Variants in SPTBN4 observed in about 807,000 individuals in gnomAD.
SPTBN4 encodes the protein spectrin beta chain, non-erythrocytic 4.
Under a neutral mutation model 277.8 loss-of-function variants are expected in SPTBN4, and 96 were observed. That is an observed-to-expected ratio of 0.35 (90% CI 0.29 to 0.41). The LOEUF (loss-of-function observed/expected upper bound fraction) is 0.41, where lower values mean the gene tolerates loss of function less well. SPTBN4 is among the 10% of genes least tolerant of loss of function. The probability of loss-of-function intolerance (pLI) is 1.00; values close to 1 mark genes in which losing one functional copy is unlikely to be tolerated. For missense variants in SPTBN4, 3,006 were observed against 3,595.7 expected, an observed-to-expected ratio of 0.84 and a Z score of 4.19; for synonymous variants, 1,481 against 1,580.3, an observed-to-expected ratio of 0.94 and a Z score of 1.49.
At chr19:40,467,491 T>C (rs888482576) in intron 1 of SPTBN4, among the ~76,000 whole-genome samples, 186 bp downstream of exon 1, 2 of 151,904 alleles carry the variant, frequency 1.3e-5, no homozygotes, top group African/African-American at 4.8e-5. Flanking sequence ...CACGCGTGGG[T>C]CTTACCCCCA....
rs747050538 is a variant in SPTBN4, at chr19:40,532,701, G to T, written c.4025G>T (p.Arg1342Ile). The T allele has an allele frequency of 1.2e-6, 2 of 1,613,666 alleles. No individual in the cohort carries two copies. Among genetic ancestry groups the T allele is most frequent in the Non-Finnish European group, 1.7e-6 (2 of 1,179,686 alleles). ...TREDNHKLHK[R>I]WLRHQAFMAE... is the part of the protein sequence containing the mutation. ...GAGGACAACCACAAGCTGCATAAGA[G>T]ATGGCTCCGGCACCAGGCATTCATG... Residue 1342 changes from arginine (R) to isoleucine (I), a missense_variant, in exon 19 of 36, where the codon AGA becomes ATA. Physicochemically the swap from Arg to Ile is moderately conservative, Grantham distance 97. Coordinates refer to ENST00000598249, the MANE Select transcript of SPTBN4 (RefSeq NM_020971.3).
At chr19:40,550,360 A>G in intron 22 of SPTBN4, 33 bp downstream of exon 22, 1 of 1,587,604 alleles carries the variant, frequency 6.3e-7, no homozygotes, top group South Asian at 1.1e-5. Context: ...GCGAGTTAGG[A>G]CATTTGGATA....
chr19:40,504,136 CCG>C lies in SPTBN4; in HGVS notation c.1665+5_1665+6del. 2.5e-6 allele frequency: 2 copies of C among 786,098 alleles called. No homozygotes were observed. Among genetic ancestry groups the C allele is most frequent in the Non-Finnish European group, 3.5e-6 (2 of 571,894 alleles). The allele number at this position is 786,098 out of a possible 1,614,324, so 48.7% of individuals were successfully genotyped here. A position where few individuals can be genotyped will look rare whatever the true frequency, so the allele number is the denominator to read the frequency against. Reference sequence around the variant, plus strand: ...GGACTGGATGGAGGAGATGCAGGTGCCGGCGGGGGGGCGGGGATGCGGGTGGA... The same window carrying C: ...GGACTGGATGGAGGAGATGCAGGTGCGCGGGGGGGCGGGGATGCGGGTGGA... On this transcript the variant is annotated splice_donor_5th_base_variant and intron_variant, in intron 12 of 35. Coordinates refer to ENST00000598249, the MANE Select transcript of SPTBN4 (RefSeq NM_020971.3).
At chr19:40,537,175 A>G (rs951860061) in intron 20 of SPTBN4, among the ~76,000 whole-genome samples, 1 of 151,944 alleles carries the variant, frequency 6.6e-6, no homozygotes, top group Admixed American at 6.6e-5. Flanking sequence ...AAGCCTGGCT[A>G]ATTTTTGTAT....
intron 4 of SPTBN4, 135 bp from the exon 5 acceptor site, chr19:40,492,828 C>G: frequency 1.5e-6 from 1 of 672,438 alleles, no homozygotes; most frequent in Non-Finnish European, 2.6e-6. Flanking sequence ...CTCCTGGACC[C>G]CCACCCCCAG....
At chr19:40,542,218 GTC>G (rs1455901563) in intron 20 of SPTBN4, among the ~76,000 whole-genome samples, 2 of 152,144 alleles carry the variant, frequency 1.3e-5, no homozygotes, top group African/African-American at 2.4e-5. Flanking sequence ...CACCACCCCA[GTC>G]TCTCTGTCTC....
chr19:40,554,766 C>T lies in SPTBN4; in HGVS notation c.5084+120C>T, dbSNP rs1243339653. ...TGGGAGAGGTCCTCCTTGCTGTGTG[C>T]TGGAGCCCTCGAATTTGGCAAGTGG... is the stretch of plus-strand genomic sequence containing the variant. On this transcript the variant is annotated intron_variant, in intron 24 of 35. Transcript: ENST00000598249. The surrounding 1 kb of genome is among the most constrained non-coding windows in gnomAD (Gnocchi z 5.7). The T allele has an allele frequency of 8.9e-6, 13 of 1,468,662 alleles. No homozygotes were observed. In the African/African-American group the frequency reaches 1.8e-4, roughly 21 times the overall value. The allele number at this position is 1,468,662 out of a possible 1,614,324, so 91.0% of individuals were successfully genotyped here.
chr19:40,572,656 C>T (rs761616446), intron 35 of SPTBN4: 26 of 472,598 alleles, frequency 5.5e-5, no homozygotes, highest in African/African-American at 2.4e-4. Flanking sequence ...GGAGGGAGTT[C>T]GCTTTAAAAA....
chr19:40,572,060 T>G lies in SPTBN4; in HGVS notation c.7361T>G (p.Leu2454Arg). Residue 2454 changes from leucine to arginine, a missense_variant, in exon 34 of 36, where the codon CTG (leucine) becomes CGG (arginine). Around this residue, in one of 5 missense-constraint regions of SPTBN4, gnomAD observed 630 missense variants for 677.6 expected, o/e 0.93. Transcript: ENST00000598249. ...SLYCVLSKGE[L>R]GFYKDSKGPA... Reference sequence around the variant, plus strand: ...TACTGTGTGCTTAGTAAGGGGGAACTGGGCTTCTACAAGGACTCCAAGGGC... The same window carrying G: ...TACTGTGTGCTTAGTAAGGGGGAACGGGGCTTCTACAAGGACTCCAAGGGC... 6.2e-7 allele frequency: 1 copy of G among 1,608,198 alleles called. No homozygotes were observed. Among genetic ancestry groups the G allele is most frequent in the Non-Finnish European group, 8.5e-7 (1 of 1,177,370 alleles).
At chr19:40,536,755 C>T (rs2080741704) in intron 20 of SPTBN4, among the ~76,000 whole-genome samples, 1 of 152,132 alleles carries the variant, frequency 6.6e-6, no homozygotes, top group Non-Finnish European at 1.5e-5. Context: ...TGAGACTAGC[C>T]TGGGTAACGG....
intron 20 of SPTBN4, among the ~76,000 whole-genome samples, chr19:40,548,091 T>A (rs1188343594): frequency 6.6e-6 from 1 of 152,256 alleles, no homozygotes; most frequent in African/African-American, 2.4e-5. Context: ...AATTGGCACC[T>A]ATGAAACACA....
chr19:40,512,494 C>G (rs2080401568), intron 13 of SPTBN4, 112 bp from the exon 14 acceptor site: 2 of 1,335,876 alleles, frequency 1.5e-6, no homozygotes, highest in East Asian at 3.0e-5. Context: ...AGCCACGTGA[C>G]CCGGCATCTG....
At chr19:40,523,885 C>T (rs1244365129) in intron 17 of SPTBN4, among the ~76,000 whole-genome samples, 1 of 152,102 alleles carries the variant, frequency 6.6e-6, no homozygotes, top group East Asian at 1.9e-4. Flanking sequence ...CTCACTGCAA[C>T]CCTCACCTCC....
In SPTBN4 at chr19:40,549,318, C is replaced by T; in HGVS notation, c.4489C>T (p.Leu1497=). 6.5e-7 allele frequency: 1 copy of T among 1,539,058 alleles called. No homozygotes were observed. The highest frequency in any genetic ancestry group is 8.7e-7 in the Non-Finnish European group (1 of 1,145,702). The change falls in exon 21 of 36, where the codon CTG becomes TTG. Residue 1497 remains leucine (L), a synonymous_variant. Coordinates refer to ENST00000598249, the MANE Select transcript of SPTBN4 (RefSeq NM_020971.3). ...GERQNAVGER[L]VRLLEPLQER... is the part of the protein sequence containing the mutation. ...GCGGCAGAACGCGGTGGGCGAGCGC[C>T]TGGTGCGCCTGCTCGAGCCGTTGCA...
chr19:40,489,588 A>T (rs2080113406), intron 3 of SPTBN4, among the ~76,000 whole-genome samples: 1 of 152,116 alleles, frequency 6.6e-6, no homozygotes, highest in African/African-American at 2.4e-5. Context: ...GTGTTTCGCC[A>T]TGTTGGTCAG....
chr19:40,515,512 CA>C lies in SPTBN4; in HGVS notation c.2903+65del. 1 of 1,455,202 alleles carries C rather than the reference CA, an allele frequency of 6.9e-7. No individual in the cohort carries two copies. The highest frequency in any genetic ancestry group is 9.1e-7 in the Non-Finnish European group (1 of 1,097,994). 90.1% of individuals were successfully genotyped at this position (1,455,202 alleles called of 1,614,324 possible). ...CCTTCCACACTCACACAGCCATGGA[CA>C]GCAAGATGTGCAATCTCAAACCCCT... On this transcript the variant is annotated intron_variant, in intron 15 of 35. Transcript: ENST00000598249. This position sits in a 1 kb window ranked among gnomAD's most constrained non-coding sequence, Gnocchi z 4.1.
At position 40,513,033 on chromosome 19, in the gene SPTBN4, G is replaced by C; in HGVS notation, c.2244G>C (p.Ala748=). The change falls in exon 14 of 36, where the codon GCG becomes GCC. Residue 748 remains alanine (A), a synonymous_variant. Transcript: ENST00000598249. ...ACCTGGTAGGCCTGGCGGAGCGCGC[G>C]GCGAGCGCCCGGCGCCGCTGGCAGA... The part of the protein sequence containing the change: ...TVHLVGLAER[A]ASARRRWQRL... The C allele has an allele frequency of 7.0e-7, 1 of 1,422,280 alleles. No individual in the cohort carries two copies. Among genetic ancestry groups the C allele is most frequent in the South Asian group, 1.4e-5 (1 of 70,600 alleles). The allele number at this position is 1,422,280 out of a possible 1,614,324, so 88.1% of individuals were successfully genotyped here. A position where few individuals can be genotyped will look rare whatever the true frequency, so the allele number is the denominator to read the frequency against.
At chr19:40,487,665 C>T in intron 2 of SPTBN4, 32 bp from the exon 3 acceptor site, 1 of 1,584,224 alleles carries the variant, frequency 6.3e-7, no homozygotes, top group Non-Finnish European at 8.6e-7. Context: ...AAGGTGGAAG[C>T]GCCTGGGGGC....
Position 40,512,619 on chromosome 19 carries a change from C to T in SPTBN4, c.1830C>T (p.Cys610=). 6.5e-7 allele frequency: 1 copy of T among 1,537,440 alleles called. No individual in the cohort carries two copies. The highest frequency in any genetic ancestry group is 8.7e-7 in the Non-Finnish European group (1 of 1,149,900). Residue 610 remains cysteine (C), a synonymous_variant, in exon 14 of 36, where the codon TGC becomes TGT. Transcript: ENST00000598249. ...RFSQLQGYQP[C]DPQVICNRVN... ...CTCCTGGCTCAGGCTACCAGCCCTG[C>T]GACCCGCAGGTCATCTGCAACCGCG... is the stretch of plus-strand genomic sequence containing the variant.
Sources: gnomAD v4.1 joint callset for allele counts (sites outside exome capture counted in the v4.1 genomes callset) on GRCh38, gnomAD v4.1.1 for gene constraint, gnomAD v4.1.1 regional missense constraint, Gnocchi (gnomAD v3.1) non-coding constraint, MANE v1.5 for transcripts, NCBI Gene and HGNC (gene_info 2026-07-23, HGNC 2026-07-21) for gene names.